The following HPSE2 variants were observed in gnomAD, a reference collection of about 807,000 sequenced individuals.
HPSE2 encodes the protein inactive heparanase-2.
Under a neutral mutation model 60.5 loss-of-function variants are expected in HPSE2, and 38 were observed. The observed-to-expected ratio is 0.63, with a 90% CI of 0.48 to 0.82. The LOEUF (loss-of-function observed/expected upper bound fraction) is 0.82, where lower values mean the gene tolerates loss of function less well. Among genes scored for constraint, HPSE2 ranks in the 40% least tolerant of loss-of-function variants. The pLI, the probability that HPSE2 is intolerant of heterozygous loss-of-function variation, is 0.00. For missense variants in HPSE2, 713 were observed against 740.4 expected (o/e 0.96, Z 0.43); for synonymous variants, 295 against 293.2 (o/e 1.01, Z -0.06).
chr10:99,071,320 T>G (rs1842783225), intron 3 of HPSE2, among the ~76,000 whole-genome samples: 1 of 152,160 alleles, frequency 6.6e-6, no homozygotes, highest in Non-Finnish European at 1.5e-5. Context: ...TCCACCCACC[T>G]CAGCCTCCCA....
In HPSE2 at chr10:98,842,497, A is replaced by AT. The variant is rs1202350888; in HGVS notation, c.611-98442dup. Among the ~76,000 whole-genome samples the AT allele has an allele frequency of 2.1e-3, 281 of 134,098 alleles. 2 individuals are homozygous for AT. The highest frequency in any genetic ancestry group is 6.2e-3 in the African/African-American group (220 of 35,396). The allele number at this position is 134,098 out of a possible 152,430, so 88.0% of individuals were successfully genotyped here. A position where few individuals can be genotyped will look rare whatever the true frequency, so the allele number is the denominator to read the frequency against. On this transcript the variant is annotated intron_variant, in intron 3 of 11. Coordinates refer to ENST00000370552, the MANE Select transcript of HPSE2 (RefSeq NM_021828.5). ...TTGAGCTTTAATATCACTTCTTTTG[A>AT]TTTTTTTTTTTACTAGTTCTTCTTT...
intron 9 of HPSE2, among the ~76,000 whole-genome samples, chr10:98,582,721 C>G (rs1431097957): frequency 2.0e-5 from 3 of 152,126 alleles, no homozygotes; most frequent in African/African-American, 7.2e-5. Flanking sequence ...TTTACAGGAG[C>G]CTTTACTTTA....
At chr10:98,737,078 C>T (rs1482816493) in intron 4 of HPSE2, among the ~76,000 whole-genome samples, 1 of 152,082 alleles carries the variant, frequency 6.6e-6, no homozygotes, top group African/African-American at 2.4e-5. Context: ...CTTCCTCCTC[C>T]TCTTTTCCCC....
intron 6 of HPSE2, among the ~76,000 whole-genome samples, chr10:98,652,818 G>T (rs888851490): frequency 1.3e-5 from 2 of 152,076 alleles, no homozygotes; most frequent in Non-Finnish European, 2.9e-5. Flanking sequence ...GTCTGAATTT[G>T]CATTAACTAA....
intron 11 of HPSE2, among the ~76,000 whole-genome samples, chr10:98,466,654 C>T (rs1323935340): frequency 6.6e-6 from 1 of 151,914 alleles, no homozygotes; most frequent in Non-Finnish European, 1.5e-5. Context: ...CTGCCTCACC[C>T]ACCTTCAGAA....
chr10:98,581,290 C>T (rs2133921555), intron 9 of HPSE2, among the ~76,000 whole-genome samples: 1 of 152,224 alleles, frequency 6.6e-6, no homozygotes, highest in South Asian at 2.1e-4. Context: ...AAGAGCTCAA[C>T]ATCTGGCTAT....
intron 3 of HPSE2, among the ~76,000 whole-genome samples, chr10:98,749,824 G>T (rs937824490): frequency 6.5e-4 from 98 of 149,736 alleles, no homozygotes; most frequent in Non-Finnish European, 1.3e-3. Context: ...ATGCATTTTT[G>T]ACTTACCATA....
At chr10:99,013,633 A>C in intron 3 of HPSE2, 1 of 211,438 alleles carries the variant, frequency 4.7e-6, no homozygotes, top group East Asian at 1.6e-4. Flanking sequence ...CACCATGCCC[A>C]CCTAATTTTT....
At chr10:99,116,791 C>G (rs1844708977) in intron 3 of HPSE2, among the ~76,000 whole-genome samples, 1 of 152,030 alleles carries the variant, frequency 6.6e-6, no homozygotes, top group Non-Finnish European at 1.5e-5. Flanking sequence ...TGGGAAGTGG[C>G]AGGGAGAAGG....
At chr10:98,888,574 G>A (rs565492567) in intron 3 of HPSE2, among the ~76,000 whole-genome samples, 1 of 152,208 alleles carries the variant, frequency 6.6e-6, no homozygotes, top group Non-Finnish European at 1.5e-5. Flanking sequence ...TTTCTCATCT[G>A]TAAACCTCTG....
the HPSE2 span, among the ~76,000 whole-genome samples, chr10:99,290,245 AAGTGAAAAAGCCAG>A: frequency 6.6e-6 from 1 of 152,164 alleles, no homozygotes; most frequent in East Asian, 1.9e-4. Flanking sequence ...TATAATGGAG[AAGTGAAAAAGCCAG>A]AGTGAAAAAG....
At chr10:98,753,722 G>A (rs1221414167) in intron 3 of HPSE2, among the ~76,000 whole-genome samples, 1 of 152,170 alleles carries the variant, frequency 6.6e-6, no homozygotes, top group African/African-American at 2.4e-5. Flanking sequence ...CCCAGGGTTA[G>A]AGCATGCAGC....
intron 9 of HPSE2, among the ~76,000 whole-genome samples, chr10:98,597,806 A>G (rs979935787): frequency 4.0e-5 from 6 of 151,790 alleles, no homozygotes; most frequent in African/African-American, 1.5e-4. Context: ...CCCCGTCTCT[A>G]CTAAAAATAC....
At chr10:98,952,863 T>A (rs1955404446) in intron 3 of HPSE2, among the ~76,000 whole-genome samples, 1 of 152,168 alleles carries the variant, frequency 6.6e-6, no homozygotes, top group Non-Finnish European at 1.5e-5. Flanking sequence ...CCTACCCTGA[T>A]AACCTAATTG....
chr10:98,585,311 A>T (rs1944908984), intron 9 of HPSE2, among the ~76,000 whole-genome samples: 1 of 149,226 alleles, frequency 6.7e-6, no homozygotes, highest in Non-Finnish European at 1.5e-5. Flanking sequence ...TCACTCTATC[A>T]CCTAGGCTGG....
At chr10:98,951,960 G>A (rs1263006029) in intron 3 of HPSE2, among the ~76,000 whole-genome samples, 1 of 152,172 alleles carries the variant, frequency 6.6e-6, no homozygotes, top group Non-Finnish European at 1.5e-5. Flanking sequence ...AATGTGACTT[G>A]CCTAAGTTCT....
chr10:99,183,989 T>TA (rs1283047912), intron 2 of HPSE2, among the ~76,000 whole-genome samples: 2 of 151,486 alleles, frequency 1.3e-5, no homozygotes, highest in East Asian at 1.9e-4. Context: ...AAGAAAGCCT[T>TA]AAAAAACAAA....
chr10:98,907,154 G>A (rs1198653274), intron 3 of HPSE2, among the ~76,000 whole-genome samples: 1 of 152,158 alleles, frequency 6.6e-6, no homozygotes, highest in African/African-American at 2.4e-5. Flanking sequence ...CATGTATACT[G>A]TTAGAATCCG....
rs553088198 is a variant in HPSE2, at chr10:98,592,648, C to A, written c.1320+22256G>T. Among the ~76,000 whole-genome samples, 8 of 152,278 alleles carry A rather than the reference C, an allele frequency of 5.3e-5. No homozygotes were observed. In the East Asian group the frequency reaches 1.3e-3, roughly 26 times the overall value. On this transcript the variant is annotated intron_variant, in intron 9 of 11. Coordinates refer to ENST00000370552, the MANE Select transcript of HPSE2 (RefSeq NM_021828.5). ...TTTTGTGGTCCAGAGAGAGCCTAAA[C>A]ATGTGTTTTCTGGGGGAAATTTAAT...
Sources: gnomAD v4.1 joint callset for allele counts (sites outside exome capture counted in the v4.1 genomes callset) on GRCh38, gnomAD v4.1.1 for gene constraint, MANE v1.5 for transcripts, NCBI Gene and HGNC (gene_info 2026-07-23, HGNC 2026-07-21) for gene names.